The following ADAMTS18 variants were observed in gnomAD, a reference collection of about 807,000 sequenced individuals.
ADAMTS18 encodes the protein A disintegrin and metalloproteinase with thrombospondin motifs 18.
ADAMTS18 carries 157 observed loss-of-function variants against 165.9 expected under a neutral mutation model. That is an observed-to-expected ratio of 0.95 (90% CI 0.83 to 1.08). The LOEUF (loss-of-function observed/expected upper bound fraction) is 1.08. ADAMTS18 is among the 50% of genes least tolerant of loss of function. The pLI is 0.00. For missense variants in ADAMTS18, 2,040 were observed against 1,534.0 expected, an observed-to-expected ratio of 1.33 and a Z score of -5.51; for synonymous variants, 782 against 578.2, an observed-to-expected ratio of 1.35 and a Z score of -5.06.
intron 4 of ADAMTS18, among the ~76,000 whole-genome samples, chr16:77,366,538 G>A (rs1029348950): frequency 7.2e-5 from 11 of 152,138 alleles, no homozygotes; most frequent in African/African-American, 2.2e-4. Context: ...CAGCCTGGGC[G>A]AAAGAGTGAA....
intron 10 of ADAMTS18, among the ~76,000 whole-genome samples, chr16:77,348,799 T>G (rs946086458): frequency 4.6e-5 from 7 of 152,190 alleles, no homozygotes; most frequent in African/African-American, 1.7e-4. Flanking sequence ...TAAGCTGGAA[T>G]TGGAGCCCAG....
At chr16:77,418,505 A>G (rs2057558923) in intron 3 of ADAMTS18, among the ~76,000 whole-genome samples, 1 of 152,186 alleles carries the variant, frequency 6.6e-6, no homozygotes, top group African/African-American at 2.4e-5. Flanking sequence ...ATGCACAGAC[A>G]TGCCCTGCAC....
At chr16:77,380,586 T>G (rs1419741176) in intron 3 of ADAMTS18, among the ~76,000 whole-genome samples, 2 of 152,244 alleles carry the variant, frequency 1.3e-5, no homozygotes, top group African/African-American at 4.8e-5. Flanking sequence ...TAACATCTAC[T>G]GCATACATTT....
intron 16 of ADAMTS18, among the ~76,000 whole-genome samples, chr16:77,319,613 T>C (rs1041032044): frequency 2.0e-5 from 3 of 152,038 alleles, no homozygotes; most frequent in African/African-American, 7.3e-5. Flanking sequence ...TGGCTAATTT[T>C]TGTATTTTTA....
chr16:77,393,204 C>G (rs1336467923), intron 3 of ADAMTS18, among the ~76,000 whole-genome samples: 1 of 152,160 alleles, frequency 6.6e-6, no homozygotes. Context: ...AGTGGCCATG[C>G]TCTGCCTAGA....
intron 3 of ADAMTS18, among the ~76,000 whole-genome samples, chr16:77,417,004 G>C (rs994655373): frequency 3.3e-5 from 5 of 152,168 alleles, no homozygotes; most frequent in South Asian, 2.1e-4. Context: ...AGGGCACAGA[G>C]GCAGTTGCTT....
chr16:77,372,418 A>G (rs549797575), intron 3 of ADAMTS18, among the ~76,000 whole-genome samples: 1 of 152,368 alleles, frequency 6.6e-6, no homozygotes, highest in East Asian at 1.9e-4. Context: ...ACAATGGAAT[A>G]CTATCCAGCC....
At chr16:77,432,240 G>A (rs2057748729) in intron 2 of ADAMTS18, among the ~76,000 whole-genome samples, 1 of 152,100 alleles carries the variant, frequency 6.6e-6, no homozygotes, top group Non-Finnish European at 1.5e-5. Context: ...ATTTTACTGT[G>A]AGCTTTCACA....
chr16:77,423,486 A>ATAGT (rs2057630716), intron 3 of ADAMTS18, among the ~76,000 whole-genome samples: 1 of 152,182 alleles, frequency 6.6e-6, no homozygotes, highest in Non-Finnish European at 1.5e-5. Flanking sequence ...AACTATGCAC[A>ATAGT]TAGAATATTT....
At chr16:77,431,770 G>A in intron 2 of ADAMTS18, 159 bp from the exon 3 acceptor site, 1 of 783,386 alleles carries the variant, frequency 1.3e-6, no homozygotes, top group Non-Finnish European at 2.2e-6. Context: ...ACAGGCAGCA[G>A]AAGACCTGTC....
At chr16:77,393,177 CT>C (rs2057212469) in intron 3 of ADAMTS18, among the ~76,000 whole-genome samples, 1 of 152,196 alleles carries the variant, frequency 6.6e-6, no homozygotes, top group African/African-American at 2.4e-5. Context: ...CAGAACATGA[CT>C]TGTTCAATGT....
chr16:77,397,986 G>C (rs1223086393), intron 3 of ADAMTS18, among the ~76,000 whole-genome samples: 1 of 152,080 alleles, frequency 6.6e-6, no homozygotes, highest in Non-Finnish European at 1.5e-5. Context: ...CCAATATAAA[G>C]GATGGTAAGG....
At chr16:77,407,356 T>C (rs1250891501) in intron 3 of ADAMTS18, among the ~76,000 whole-genome samples, 1 of 152,098 alleles carries the variant, frequency 6.6e-6, no homozygotes, top group Admixed American at 6.6e-5. Context: ...AAATTAGATG[T>C]ACCATGTTCA....
intron 3 of ADAMTS18, among the ~76,000 whole-genome samples, chr16:77,429,838 A>T (rs1597265854): frequency 6.6e-6 from 1 of 152,164 alleles, no homozygotes; most frequent in South Asian, 2.1e-4. Flanking sequence ...CACTTTCCAC[A>T]TAAGAAATAA....
At chr16:77,428,402 A>G (rs1213777273) in intron 3 of ADAMTS18, among the ~76,000 whole-genome samples, 2 of 152,210 alleles carry the variant, frequency 1.3e-5, no homozygotes, top group African/African-American at 4.8e-5. Context: ...ATGTCTAAGA[A>G]AATGTAAACA....
At chr16:77,346,920 G>A (rs1363381515) in intron 10 of ADAMTS18, among the ~76,000 whole-genome samples, 1 of 152,182 alleles carries the variant, frequency 6.6e-6, no homozygotes, top group Non-Finnish European at 1.5e-5. Context: ...ATTCAAGGCA[G>A]AATATTTCCA....
At position 77,291,282 on chromosome 16, in the gene ADAMTS18, G is replaced by A. The variant is rs758833542; in HGVS notation, c.3386C>T (p.Ser1129Leu). The change falls in exon 21 of 23, where the codon TCA becomes TTA. Residue 1129 changes from serine to leucine, a missense_variant. Physicochemically the swap from Ser to Leu is moderately radical, Grantham distance 145 (BLOSUM62 -2). Transcript: ENST00000282849. ...TGTACCCACCTGCTGCCACGGCAAT[G>A]AATACCATCCAGCTACCATGTTGTA... Reference protein sequence around the residue: ...PVYNMVAGWYSLPWQQCTVTC... With the variant: ...PVYNMVAGWYLLPWQQCTVTC... 3.7e-6 allele frequency: 6 copies of A among 1,614,110 alleles called. No individual in the cohort carries two copies. The highest frequency in any genetic ancestry group is 5.1e-6 in the Non-Finnish European group (6 of 1,180,008).
rs561343285 is a variant in ADAMTS18 at position 77,410,697 on chromosome 16, A to G, written c.495+20598T>C. ...CCCTTGCTTGTTGTAATCCCTGCTG[A>G]GAAACCGATGGTATAAGAACAATAA... is the stretch of plus-strand genomic sequence containing the variant. On this transcript the variant is annotated intron_variant, in intron 3 of 22. Coordinates refer to ENST00000282849, the MANE Select transcript of ADAMTS18 (RefSeq NM_199355.4). 6.6e-5 allele frequency among the ~76,000 whole-genome samples: 10 copies of G among 152,306 alleles called. No homozygotes were observed. In the South Asian group the frequency reaches 1.5e-3, roughly 22 times the overall value.
At chr16:77,300,049 G>A in intron 17 of ADAMTS18, 1 of 544,978 alleles carries the variant, frequency 1.8e-6, no homozygotes, top group African/African-American at 1.9e-5. Context: ...TTTGAGCCTT[G>A]GTTGTGGTTG....
Sources: gnomAD v4.1 joint callset for allele counts (sites outside exome capture counted in the v4.1 genomes callset) on GRCh38, gnomAD v4.1.1 for gene constraint, MANE v1.5 for transcripts, NCBI Gene and HGNC (gene_info 2026-07-23, HGNC 2026-07-21) for gene names.